LRP1B: variants seen among roughly 807,000 people sequenced by gnomAD.
The protein encoded by LRP1B is low-density lipoprotein receptor-related protein 1B.
LRP1B carries 217 observed loss-of-function variants against 556.6 expected under a neutral mutation model. That is an observed-to-expected ratio of 0.39 (90% CI 0.35 to 0.44). The LOEUF (loss-of-function observed/expected upper bound fraction) is 0.44. Ranked by LOEUF, LRP1B falls within the 20% of genes least tolerant of loss-of-function variation. The pLI is 1.00. For synonymous variants in LRP1B, 2,047 were observed against 1,865.8 expected, an observed-to-expected ratio of 1.10 and a Z score of -2.50; for missense variants, 5,053 against 5,620.8, an observed-to-expected ratio of 0.90 and a Z score of 3.23.
intron 11 of LRP1B, among the ~76,000 whole-genome samples, chr2:141,047,256 A>C (rs2105442630): frequency 6.6e-6 from 1 of 152,198 alleles, no homozygotes; most frequent in Non-Finnish European, 1.5e-5. Context: ...GAAAATCTTA[A>C]ATTAGATACT....
intron 1 of LRP1B, among the ~76,000 whole-genome samples, chr2:141,953,312 T>C (rs1701162014): frequency 6.6e-6 from 1 of 152,154 alleles, no homozygotes; most frequent in South Asian, 2.1e-4. Flanking sequence ...TTCCTATTTA[T>C]ACAATTACTT....
intron 7 of LRP1B, among the ~76,000 whole-genome samples, chr2:141,122,445 G>A (rs1278951453): frequency 1.3e-5 from 2 of 150,038 alleles, no homozygotes; most frequent in Admixed American, 6.6e-5. Context: ...CAAAGGATAT[G>A]AACAGACACT....
At chr2:141,766,093 A>G (rs1329308357) in intron 2 of LRP1B, among the ~76,000 whole-genome samples, 1 of 152,214 alleles carries the variant, frequency 6.6e-6, no homozygotes, top group Non-Finnish European at 1.5e-5. Context: ...TATAAGCACA[A>G]AATTAAACTA....
At chr2:140,528,195 T>C (rs1690523199) in intron 47 of LRP1B, among the ~76,000 whole-genome samples, 1 of 151,932 alleles carries the variant, frequency 6.6e-6, no homozygotes, top group African/African-American at 2.4e-5. Flanking sequence ...CGATTTCACG[T>C]AATAGCGTTT....
intron 3 of LRP1B, among the ~76,000 whole-genome samples, chr2:141,419,788 T>C (rs926534955): frequency 1.3e-5 from 2 of 152,178 alleles, no homozygotes; most frequent in Non-Finnish European, 1.5e-5. Flanking sequence ...TTCTTACTAC[T>C]TTGGGCTTAG....
intron 3 of LRP1B, among the ~76,000 whole-genome samples, chr2:141,261,761 A>T (rs2105352417): frequency 6.6e-6 from 1 of 152,260 alleles, no homozygotes; most frequent in South Asian, 2.1e-4. Context: ...CATGGTATAA[A>T]CATACCTCAC....
intron 7 of LRP1B, among the ~76,000 whole-genome samples, chr2:141,172,026 TA>T (rs527539099): frequency 3.8e-4 from 58 of 152,150 alleles, no homozygotes; most frequent in Non-Finnish European, 6.6e-4. Context: ...AATGCAAAAC[TA>T]TTTCATTGAC....
intron 3 of LRP1B, among the ~76,000 whole-genome samples, chr2:141,354,079 G>T (rs1371386670): frequency 6.6e-6 from 1 of 151,934 alleles, no homozygotes; most frequent in Non-Finnish European, 1.5e-5. Flanking sequence ...TATGGGAGAA[G>T]ACTGAGGATC....
chr2:141,253,308 T>C (rs1217308298), intron 4 of LRP1B, among the ~76,000 whole-genome samples: 1 of 152,206 alleles, frequency 6.6e-6, no homozygotes, highest in Non-Finnish European at 1.5e-5. Context: ...TCAAATGTTG[T>C]CTTAAAATGA....
At chr2:141,435,554 T>A (rs935283549) in intron 3 of LRP1B, among the ~76,000 whole-genome samples, 1 of 152,196 alleles carries the variant, frequency 6.6e-6, no homozygotes, top group Non-Finnish European at 1.5e-5. Context: ...CCTTATCTTA[T>A]AACTTACCTT....
intron 5 of LRP1B, among the ~76,000 whole-genome samples, chr2:141,243,702 TATTAA>T: frequency 6.6e-6 from 1 of 152,196 alleles, no homozygotes; most frequent in East Asian, 1.9e-4. Flanking sequence ...TAGTATCAAG[TATTAA>T]ATTGCACTAG....
In LRP1B at chr2:141,142,921, C is replaced by CTTTTTTT. The variant is rs35543111; in HGVS notation, c.1013+45493_1013+45499dup. ...AACAGATTAACAAATTGTCTGATTACTTTTTTTTTTTTTTTTTTTTTTGAG... is the reference window on the plus strand; with the variant it reads ...AACAGATTAACAAATTGTCTGATTACTTTTTTTTTTTTTTTTTTTTTTTTTTTTTGAG... On this transcript the variant is annotated intron_variant, in intron 7 of 90. Coordinates refer to ENST00000389484, the MANE Select transcript of LRP1B (RefSeq NM_018557.3). Among the ~76,000 whole-genome samples, 19 of 101,426 alleles carry CTTTTTTT rather than the reference C, an allele frequency of 1.9e-4. 1 individual carries two copies. The highest frequency in any genetic ancestry group is 5.2e-4 in the African/African-American group (13 of 25,214). 66.5% of individuals were successfully genotyped at this position (101,426 alleles called of 152,430 possible).
At chr2:140,698,478 A>G (rs1686514553) in intron 41 of LRP1B, among the ~76,000 whole-genome samples, 1 of 152,120 alleles carries the variant, frequency 6.6e-6, no homozygotes, top group Non-Finnish European at 1.5e-5. Context: ...ATAACAAGAA[A>G]TAATAACAAG....
intron 2 of LRP1B, among the ~76,000 whole-genome samples, chr2:141,723,720 A>G (rs954975263): frequency 1.1e-4 from 16 of 151,846 alleles, no homozygotes; most frequent in African/African-American, 3.6e-4. Context: ...AATTGATATA[A>G]CTCTTCAATT....
chr2:141,815,558 C>A (rs1171060298), intron 1 of LRP1B, among the ~76,000 whole-genome samples: 1 of 151,772 alleles, frequency 6.6e-6, no homozygotes, highest in African/African-American at 2.4e-5. Context: ...CCAATCAGTG[C>A]TCTGTAAAAT....
chr2:140,627,000 C>T (rs1409322647), intron 41 of LRP1B, among the ~76,000 whole-genome samples: 5 of 152,114 alleles, frequency 3.3e-5, no homozygotes, highest in African/African-American at 4.8e-5. Flanking sequence ...TGAATACTAT[C>T]ACTTTTTGAC....
intron 1 of LRP1B, among the ~76,000 whole-genome samples, chr2:141,828,334 A>G (rs182566763): frequency 5.4e-4 from 82 of 152,238 alleles, no homozygotes; most frequent in Non-Finnish European, 1.0e-3. Context: ...TGGTAATTCA[A>G]TTTAAACATT....
chr2:140,841,001 C>T lies in LRP1B; in HGVS notation c.5031G>A (p.Val1677=), dbSNP rs2105097799. Reference sequence around the variant, plus strand: ...TTTTCAAAGAGCCATCTAGCCTTGCCACATTAATTTGCGTTTCATCAAATT... The same window carrying T: ...TTTTCAAAGAGCCATCTAGCCTTGCTACATTAATTTGCGTTTCATCAAATT... ...SSEFDETQIN[V]ARLDGSLKTS... The change falls in exon 30 of 91, where the codon GTG becomes GTA. Residue 1677 remains valine, a synonymous_variant. Transcript: ENST00000389484. The T allele has an allele frequency of 6.2e-7, 1 of 1,613,570 alleles. No individual in the cohort carries two copies. The highest frequency in any genetic ancestry group is 8.5e-7 in the Non-Finnish European group (1 of 1,179,720).
At chr2:141,295,803 C>T (rs1686163612) in intron 3 of LRP1B, among the ~76,000 whole-genome samples, 1 of 84,550 alleles carries the variant, frequency 1.2e-5, no homozygotes, top group African/African-American at 3.9e-5. Flanking sequence ...AACAGTGGGG[C>T]ATCTAGCCTC....
Sources: allele counts gnomAD v4.1 joint callset (sites outside exome capture counted in the v4.1 genomes callset), GRCh38; gene constraint gnomAD v4.1.1; transcripts MANE v1.5; gene names NCBI Gene and HGNC (gene_info 2026-07-23, HGNC 2026-07-21).